The following RIGI variants were observed in gnomAD, a reference collection of about 807,000 sequenced individuals.
The protein encoded by RIGI is RNA sensor RIG-I.
chr9:32,522,950 C>T, the RIGI span, among the ~76,000 whole-genome samples: 2 of 152,110 alleles, frequency 1.3e-5, no homozygotes, highest in Non-Finnish European at 2.9e-5. Context: ...GGAAAAGGAC[C>T]CCCAGGCCTC....
the RIGI span, chr9:32,472,883 T>G: frequency 5.0e-6 from 3 of 599,378 alleles, no homozygotes; most frequent in Non-Finnish European, 7.3e-6. Flanking sequence ...TTGAAATATA[T>G]ATTATATATA....
chr9:32,484,685 G>A, the RIGI span, among the ~76,000 whole-genome samples: 3,875 of 152,122 alleles, frequency 0.025, 155 homozygotes, highest in African/African-American at 0.088. Flanking sequence ...TCTTTATTAC[G>A]TCACTAATCA....
At chr9:32,504,907 A>G in the RIGI span, among the ~76,000 whole-genome samples, 4 of 140,234 alleles carry the variant, frequency 2.9e-5, no homozygotes, top group Non-Finnish European at 6.1e-5. Flanking sequence ...ATAAAAGTAT[A>G]TATTATATCT....
chr9:32,469,229 T>C, the RIGI span, among the ~76,000 whole-genome samples: 1 of 151,852 alleles, frequency 6.6e-6, no homozygotes, highest in African/African-American at 2.4e-5. Flanking sequence ...CATCTGTGAG[T>C]GTGAGCTATA....
the RIGI span, chr9:32,472,867 C>A: frequency 1.8e-6 from 1 of 567,476 alleles, no homozygotes; most frequent in Non-Finnish European, 2.5e-6. Context: ...TATATTAAAA[C>A]AGAATTTGAA....
chr9:32,486,062 T>C, the RIGI span, among the ~76,000 whole-genome samples: 1 of 152,178 alleles, frequency 6.6e-6, no homozygotes, highest in Non-Finnish European at 1.5e-5. Flanking sequence ...TTATAGACAG[T>C]TGAAAGAACA....
At chr9:32,462,695 C>T in the RIGI span, among the ~76,000 whole-genome samples, 5 of 152,094 alleles carry the variant, frequency 3.3e-5, no homozygotes, top group East Asian at 5.8e-4. Flanking sequence ...AGGTGTAAGC[C>T]ACCACACCCG....
the RIGI span, among the ~76,000 whole-genome samples, chr9:32,466,690 CAAAAAAAAAA>C: frequency 7.7e-4 from 53 of 68,604 alleles, no homozygotes; most frequent in Middle Eastern, 0.01. Flanking sequence ...AGACCTATCT[CAAAAAAAAAA>C]AAAAAAAAAA....
chr9:32,508,585 C>A, the RIGI span, among the ~76,000 whole-genome samples: 3 of 152,066 alleles, frequency 2.0e-5, no homozygotes, highest in Non-Finnish European at 2.9e-5. Context: ...TATGCTTTTC[C>A]CCCCAAGTCT....
the RIGI span, among the ~76,000 whole-genome samples, chr9:32,503,863 G>A: frequency 6.6e-6 from 1 of 152,058 alleles, no homozygotes; most frequent in Non-Finnish European, 1.5e-5. Flanking sequence ...CCAACATGGT[G>A]AAACCCCGTC....
the RIGI span, chr9:32,485,290 C>CAA: frequency 5.9e-3 from 7,595 of 1,295,224 alleles, 2 homozygotes; most frequent in South Asian, 7.6e-3. Flanking sequence ...CTAGAGACGT[C>CAA]AAAAAAAAAA....
the RIGI span, among the ~76,000 whole-genome samples, chr9:32,482,457 C>A: frequency 2.0e-5 from 3 of 152,106 alleles, no homozygotes; most frequent in East Asian, 3.9e-4. Flanking sequence ...AGCTGACAAC[C>A]AAAGCAGCCC....
chr9:32,475,775 A>G, the RIGI span, among the ~76,000 whole-genome samples: 1 of 152,124 alleles, frequency 6.6e-6, no homozygotes, highest in African/African-American at 2.4e-5. Context: ...TTTAGAGATA[A>G]TACCACCACA....
At chr9:32,474,528 C>A in the RIGI span, among the ~76,000 whole-genome samples, 5 of 152,220 alleles carry the variant, frequency 3.3e-5, no homozygotes, top group African/African-American at 9.6e-5. Flanking sequence ...AAATTAGACA[C>A]CCTCTATCTC....
the RIGI span, among the ~76,000 whole-genome samples, chr9:32,484,820 G>C: frequency 2.0e-5 from 3 of 152,130 alleles, no homozygotes; most frequent in African/African-American, 7.2e-5. Flanking sequence ...CTGGGTGATT[G>C]TCCCTAGATA....
At chr9:32,523,145 G>A in the RIGI span, among the ~76,000 whole-genome samples, 15 of 152,244 alleles carry the variant, frequency 9.9e-5, no homozygotes, top group Non-Finnish European at 2.2e-4. Flanking sequence ...ATTTGAGACT[G>A]ATCTCCTACC....
chr9:32,525,159 A>AG, the RIGI span, among the ~76,000 whole-genome samples: 1 of 152,206 alleles, frequency 6.6e-6, no homozygotes, highest in Non-Finnish European at 1.5e-5. Context: ...TTGCCTAATA[A>AG]GAAGGGCTGT....
the RIGI span, among the ~76,000 whole-genome samples, chr9:32,476,550 G>C: frequency 1.3e-5 from 2 of 151,684 alleles, no homozygotes; most frequent in Non-Finnish European, 2.9e-5. Flanking sequence ...TAGAGTATTA[G>C]TATAAGGATA....
At chr9:32,504,887 T>C in the RIGI span, among the ~76,000 whole-genome samples, 3 of 139,716 alleles carry the variant, frequency 2.1e-5, no homozygotes, top group South Asian at 6.4e-4. Context: ...ATACATAAAA[T>C]ATATAATATA....
Sources: gnomAD v4.1 joint callset for allele counts (sites outside exome capture counted in the v4.1 genomes callset) on GRCh38, gnomAD v4.1.1 for gene constraint, MANE v1.5 for transcripts, NCBI Gene and HGNC (gene_info 2026-07-23, HGNC 2026-07-21) for gene names.